The following RNF17 variants were observed in gnomAD, a reference collection of about 807,000 sequenced individuals.
RNF17 encodes the protein ring finger protein 17.
In RNF17, 31 loss-of-function variants were observed where a neutral mutation model predicts 200.5. The observed-to-expected ratio is 0.15, with a 90% CI of 0.12 to 0.21. RNF17 has a LOEUF of 0.21. RNF17 is among the 10% of genes least tolerant of loss of function. RNF17 has a pLI of 1.00. For missense variants in RNF17, 1,628 were observed against 1,905.1 expected (o/e 0.85, Z 2.71); for synonymous variants, 606 against 637.8 (o/e 0.95, Z 0.75).
At chr13:24,798,498 ATC>A (rs1157010929) in intron 11 of RNF17, among the ~76,000 whole-genome samples, 2 of 152,192 alleles carry the variant, frequency 1.3e-5, no homozygotes, top group Non-Finnish European at 2.9e-5. Context: ...ATTACACAGC[ATC>A]TCTCTGTATA....
chr13:24,882,684 A>C (rs1356630084), downstream of RNF17: 2 of 157,184 alleles, frequency 1.3e-5, no homozygotes, highest in East Asian at 3.7e-4. Flanking sequence ...GTAACTTCCC[A>C]TTCTGTTATA....
At chr13:24,850,688 C>G (rs1282727669) in intron 23 of RNF17, among the ~76,000 whole-genome samples, 1 of 151,964 alleles carries the variant, frequency 6.6e-6, no homozygotes, top group Non-Finnish European at 1.5e-5. Flanking sequence ...CATTTTATTA[C>G]TATTTATGTG....
At chr13:24,822,952 T>C (rs1184004711) in intron 15 of RNF17, among the ~76,000 whole-genome samples, 4 of 152,256 alleles carry the variant, frequency 2.6e-5, no homozygotes, top group Non-Finnish European at 1.5e-5. Flanking sequence ...TTTCATACTT[T>C]CGTATGTTTT....
intron 25 of RNF17, among the ~76,000 whole-genome samples, chr13:24,854,718 G>T (rs1162368611): frequency 2.6e-5 from 4 of 152,090 alleles, no homozygotes; most frequent in Non-Finnish European, 5.9e-5. Flanking sequence ...GTGAAGATGG[G>T]ATCCCAAAGG....
At chr13:24,845,689 GCTAAT>G (rs1221555491) in intron 22 of RNF17, among the ~76,000 whole-genome samples, 14 of 152,266 alleles carry the variant, frequency 9.2e-5, no homozygotes, top group African/African-American at 3.4e-4. Context: ...GCGCATGCAG[GCTAAT>G]CTGAGAATAG....
chr13:24,871,749 C>G (rs958258809), intron 32 of RNF17, among the ~76,000 whole-genome samples: 19 of 151,162 alleles, frequency 1.3e-4, no homozygotes, highest in African/African-American at 4.6e-4. Flanking sequence ...TCTCTTGCCT[C>G]AGCATCCCGA....
intron 18 of RNF17, among the ~76,000 whole-genome samples, chr13:24,837,804 A>G (rs541825655): frequency 2.6e-5 from 4 of 152,144 alleles, no homozygotes; most frequent in Non-Finnish European, 5.9e-5. Context: ...AGAACAAGCC[A>G]AACCCAAACC....
chr13:24,871,590 G>A (rs1894256055), intron 32 of RNF17, among the ~76,000 whole-genome samples: 1 of 150,224 alleles, frequency 6.7e-6, no homozygotes, highest in Non-Finnish European at 1.5e-5. Context: ...CGCCCACCTT[G>A]ACCAAAATGC....
intron 3 of RNF17, among the ~76,000 whole-genome samples, chr13:24,776,929 A>G (rs1290339876): frequency 1.3e-5 from 2 of 152,208 alleles, no homozygotes; most frequent in East Asian, 3.8e-4. Context: ...TATATGTATA[A>G]TGTCTGTTAG....
intron 30 of RNF17, among the ~76,000 whole-genome samples, chr13:24,866,825 T>A (rs760998597): frequency 6.6e-6 from 1 of 152,218 alleles, no homozygotes; most frequent in Non-Finnish European, 1.5e-5. Flanking sequence ...ATGTTTAACA[T>A]TCTAAAGATC....
chr13:24,861,209 T>A, intron 26 of RNF17, 59 bp from the exon 27 acceptor site: 1 of 1,428,670 alleles, frequency 7.0e-7, no homozygotes, highest in Non-Finnish European at 9.6e-7. Flanking sequence ...GGAAATTCCT[T>A]TTGTCCCCTA....
chr13:24,884,143 G>A (rs748813774), downstream of RNF17: 14 of 1,613,210 alleles, frequency 8.7e-6, no homozygotes, highest in Non-Finnish European at 1.1e-5. Flanking sequence ...TTAATGAGAG[G>A]GTGGAGCAAG....
chr13:24,772,126 T>A (rs1346509317), intron 2 of RNF17, among the ~76,000 whole-genome samples: 1 of 152,234 alleles, frequency 6.6e-6, no homozygotes, highest in African/African-American at 2.4e-5. Context: ...TATTGAGTAA[T>A]CCTTCCATTT....
At chr13:24,825,276 C>T (rs968850321) in intron 15 of RNF17, among the ~76,000 whole-genome samples, 1 of 151,862 alleles carries the variant, frequency 6.6e-6, no homozygotes, top group African/African-American at 2.4e-5. Context: ...TGAAATAGAA[C>T]AAGTGAGAAA....
rs933617816 is a variant in RNF17 at position 24,844,948 on chromosome 13, A to C, written c.2983-13A>C. Reference sequence around the variant, plus strand: ...GTTGTTTGTCTGTAGACTTAAAGTTATTATTTTCTTAGGTCTTGCTGTATG... The same window carrying C: ...GTTGTTTGTCTGTAGACTTAAAGTTCTTATTTTCTTAGGTCTTGCTGTATG... On this transcript the variant is annotated splice_polypyrimidine_tract_variant and intron_variant, in intron 21 of 35. Coordinates refer to ENST00000255324, the MANE Select transcript of RNF17 (RefSeq NM_031277.3). 2 of 1,574,400 alleles carry C rather than the reference A, an allele frequency of 1.3e-6. No homozygotes were observed. Among genetic ancestry groups the C allele is most frequent in the Non-Finnish European group, 8.7e-7 (1 of 1,146,702 alleles).
At chr13:24,884,694 A>G (rs1301246180), downstream of RNF17, among the ~76,000 whole-genome samples, 1 of 152,146 alleles carries the variant, frequency 6.6e-6, no homozygotes, top group African/African-American at 2.4e-5. Flanking sequence ...CTTATCAACA[A>G]TTTGTTACCC....
chr13:24,868,157 T>A (rs1350943973), intron 30 of RNF17, among the ~76,000 whole-genome samples: 1 of 152,194 alleles, frequency 6.6e-6, no homozygotes, highest in South Asian at 2.1e-4. Flanking sequence ...AAAATCATTT[T>A]ATGGTATTCA....
chr13:24,770,955 T>C (rs1241282953), intron 2 of RNF17, among the ~76,000 whole-genome samples: 2 of 152,232 alleles, frequency 1.3e-5, no homozygotes, highest in Admixed American at 6.5e-5. Context: ...ATATTTGTTT[T>C]AGTGTTTTGG....
intron 2 of RNF17, among the ~76,000 whole-genome samples, chr13:24,772,211 AT>A (rs1477279183): frequency 1.3e-5 from 2 of 152,036 alleles, no homozygotes; most frequent in Non-Finnish European, 1.5e-5. Context: ...TGTTCTACTG[AT>A]TTATTATGCT....
Sources: gnomAD v4.1 joint callset for allele counts (sites outside exome capture counted in the v4.1 genomes callset) on GRCh38, gnomAD v4.1.1 for gene constraint, MANE v1.5 for transcripts, NCBI Gene and HGNC (gene_info 2026-07-23, HGNC 2026-07-21) for gene names.